Variants in TMEM132C observed in about 807,000 individuals in gnomAD.
TMEM132C encodes the protein protein phosphatase 1, regulatory subunit 152.
Under a neutral mutation model 61.4 loss-of-function variants are expected in TMEM132C, and 29 were observed. That is an observed-to-expected ratio of 0.47 (90% CI 0.35 to 0.64). The LOEUF is 0.64. TMEM132C is among the 30% of genes least tolerant of loss of function. The pLI is 0.00. For missense variants in TMEM132C, 1,408 were observed against 1,476.9 expected (o/e 0.95, Z 0.76); for synonymous variants, 656 against 633.1 (o/e 1.04, Z -0.54).
intron 3 of TMEM132C, 142 bp downstream of exon 3, chr12:128,544,245 T>A: frequency 8.1e-7 from 1 of 1,237,570 alleles, no homozygotes. Flanking sequence ...TCTGGAGGCA[T>A]TGATATCCAT....
chr12:128,390,375 TGCCCATGTACCTTG>T (rs1430365480), intron 1 of TMEM132C, among the ~76,000 whole-genome samples: 1 of 152,082 alleles, frequency 6.6e-6, no homozygotes, highest in Non-Finnish European at 1.5e-5. Context: ...CTTCTAGAGG[TGCCCATGTACCTTG>T]GCTCCTGGCC....
At chr12:128,404,516 C>G (rs984174232) in intron 1 of TMEM132C, 2 of 152,294 alleles carry the variant, frequency 1.3e-5, no homozygotes, top group African/African-American at 4.8e-5. Context: ...TATCTCTGGT[C>G]AACATGTCTG....
At chr12:128,290,625 C>T (rs995243348) in intron 1 of TMEM132C, among the ~76,000 whole-genome samples, 7 of 152,072 alleles carry the variant, frequency 4.6e-5, no homozygotes, top group African/African-American at 1.7e-4. Flanking sequence ...TGAATTATTC[C>T]AGACCAGGAC....
At chr12:128,638,864 T>C (rs1332600685) in intron 4 of TMEM132C, among the ~76,000 whole-genome samples, 5 of 150,524 alleles carry the variant, frequency 3.3e-5, no homozygotes, top group Admixed American at 6.6e-5. Context: ...ATGGTGGTGA[T>C]GAAGAGGAGA....
intron 3 of TMEM132C, among the ~76,000 whole-genome samples, chr12:128,546,744 C>G (rs1873964120): frequency 6.6e-6 from 1 of 152,212 alleles, no homozygotes; most frequent in Admixed American, 6.5e-5. Context: ...GCCCCACTTT[C>G]ACTTATAAGG....
intron 3 of TMEM132C, 24 bp downstream of exon 3, chr12:128,544,127 C>T (rs530988767): frequency 1.5e-5 from 22 of 1,490,130 alleles, no homozygotes; most frequent in East Asian, 1.0e-4. Context: ...TCCCTGCAAG[C>T]GTGTGTGGTT....
chr12:128,502,960 A>T (rs1033945466), intron 2 of TMEM132C, among the ~76,000 whole-genome samples: 16 of 152,204 alleles, frequency 1.1e-4, no homozygotes, highest in South Asian at 2.1e-4. Context: ...CCAGTCACAA[A>T]GCATTTTAGA....
At chr12:128,597,642 T>C (rs1378945763) in intron 3 of TMEM132C, among the ~76,000 whole-genome samples, 2 of 152,198 alleles carry the variant, frequency 1.3e-5, no homozygotes, top group Admixed American at 6.5e-5. Context: ...ATTCTAAACC[T>C]TGGGGATACA....
At chr12:128,564,976 T>C (rs1459824422) in intron 3 of TMEM132C, among the ~76,000 whole-genome samples, 5 of 152,186 alleles carry the variant, frequency 3.3e-5, no homozygotes. Context: ...TGGAGAATGG[T>C]CTGAGAAAGA....
intron 3 of TMEM132C, among the ~76,000 whole-genome samples, chr12:128,557,078 C>T (rs1874356667): frequency 6.6e-6 from 1 of 152,110 alleles, no homozygotes; most frequent in Non-Finnish European, 1.5e-5. Context: ...TATTTTAGTC[C>T]TCTTCTTTAT....
At chr12:128,284,313 G>A (rs926057099) in intron 1 of TMEM132C, among the ~76,000 whole-genome samples, 5 of 152,234 alleles carry the variant, frequency 3.3e-5, no homozygotes, top group African/African-American at 1.2e-4. Flanking sequence ...CATCATTTGT[G>A]TGACAGATAT....
intron 4 of TMEM132C, among the ~76,000 whole-genome samples, chr12:128,663,512 G>A (rs1954415152): frequency 1.3e-5 from 2 of 152,190 alleles, no homozygotes; most frequent in Non-Finnish European, 1.5e-5. Context: ...GATATTCGAG[G>A]TGGGGCGTTT....
intron 3 of TMEM132C, among the ~76,000 whole-genome samples, chr12:128,594,588 G>T (rs890746774): frequency 2.0e-5 from 3 of 152,168 alleles, no homozygotes; most frequent in African/African-American, 7.2e-5. Flanking sequence ...GCAAGGCTCG[G>T]AATTGGAGAA....
intron 3 of TMEM132C, among the ~76,000 whole-genome samples, chr12:128,611,297 C>T (rs1246527834): frequency 6.6e-6 from 1 of 152,132 alleles, no homozygotes; most frequent in African/African-American, 2.4e-5. Context: ...AACTTTCTTC[C>T]TCTCTCCTTC....
At chr12:128,486,395 A>C (rs1343370431) in intron 2 of TMEM132C, among the ~76,000 whole-genome samples, 2 of 152,260 alleles carry the variant, frequency 1.3e-5, no homozygotes, top group East Asian at 3.9e-4. Context: ...AAGGGAACAC[A>C]CAAAACTGGG....
At chr12:128,383,802 A>T (rs2135993382) in intron 1 of TMEM132C, among the ~76,000 whole-genome samples, 1 of 152,328 alleles carries the variant, frequency 6.6e-6, no homozygotes, top group Non-Finnish European at 1.5e-5. Context: ...TTGCTTACTT[A>T]ACGGCTTGCA....
chr12:128,706,143 T>A lies in TMEM132C; in HGVS notation c.3175T>A (p.Phe1059Ile), dbSNP rs1954838261. The change falls in exon 9 of 9, where the codon TTT becomes ATT. Residue 1059 changes from phenylalanine to isoleucine, a missense_variant. Physicochemically the swap from Phe to Ile is conservative, Grantham distance 21. Transcript: ENST00000435159. ...SKRKKVKFTT[F>I]TTIPPDDSCP... ...GAGGAAGAAGGTGAAATTTACCACC[T>A]TTACCACCATCCCCCCGGACGACAG... 1 of 1,551,580 alleles carries A rather than the reference T, an allele frequency of 6.4e-7. No individual in the cohort carries two copies. The highest frequency in any genetic ancestry group is 1.4e-5 in the African/African-American group (1 of 73,038).
At chr12:128,662,975 A>G (rs890656750) in intron 4 of TMEM132C, among the ~76,000 whole-genome samples, 2 of 152,170 alleles carry the variant, frequency 1.3e-5, no homozygotes, top group African/African-American at 4.8e-5. Context: ...GGGTAGAGAT[A>G]GATCATTGGC....
chr12:128,444,921 G>A (rs946326360), intron 2 of TMEM132C, among the ~76,000 whole-genome samples: 1 of 152,134 alleles, frequency 6.6e-6, no homozygotes, highest in African/African-American at 2.4e-5. Context: ...TCAATCTGAC[G>A]GAGATAGGCG....
Sources: gnomAD v4.1 joint callset for allele counts (sites outside exome capture counted in the v4.1 genomes callset) on GRCh38, gnomAD v4.1.1 for gene constraint, MANE v1.5 for transcripts, NCBI Gene and HGNC (gene_info 2026-07-23, HGNC 2026-07-21) for gene names.